The following PRKN variants were observed in gnomAD, a reference collection of about 807,000 sequenced individuals.
PRKN encodes the protein parkin RBR E3 ubiquitin protein ligase.
A neutral mutation model predicts 59.5 loss-of-function variants in PRKN; 56 were observed. The ratio of observed to expected loss-of-function variants is 0.94; its 90% CI spans 0.76 to 1.18. The LOEUF is 1.18. Among genes scored for constraint, PRKN ranks in the 50% most tolerant of loss-of-function variants. The pLI, the probability that PRKN is intolerant of heterozygous loss-of-function variation, is 0.00. For missense variants in PRKN, 657 were observed against 596.4 expected (o/e 1.10, Z -1.06); for synonymous variants, 250 against 222.1 (o/e 1.13, Z -1.12).
At chr6:161,802,229 TC>T in intron 6 of PRKN, among the ~76,000 whole-genome samples, 1 of 152,102 alleles carries the variant, frequency 6.6e-6, no homozygotes, top group South Asian at 2.1e-4. Flanking sequence ...CTGCAATGGC[TC>T]CCCCTGGTCA....
chr6:162,504,110 G>A (rs989683353), intron 1 of PRKN, among the ~76,000 whole-genome samples: 2 of 152,104 alleles, frequency 1.3e-5, no homozygotes, highest in African/African-American at 4.8e-5. Flanking sequence ...GAGGAAGGCA[G>A]GCTGACGGGA....
intron 1 of PRKN, among the ~76,000 whole-genome samples, chr6:162,561,581 CA>C (rs112182139): frequency 6.6e-6 from 1 of 151,874 alleles, no homozygotes; most frequent in Non-Finnish European, 1.5e-5. Context: ...AAAACAAAAA[CA>C]AAAAAAACCC....
chr6:162,008,968 G>C (rs2156747), intron 5 of PRKN, among the ~76,000 whole-genome samples: 84,200 of 151,722 alleles, frequency 0.55, 23,723 homozygotes, highest in Admixed American at 0.62. Context: ...AAACAGGTGA[G>C]GTGTGGCCAA....
chr6:162,647,495 C>T (rs1231172864), intron 1 of PRKN, among the ~76,000 whole-genome samples: 2 of 151,988 alleles, frequency 1.3e-5, no homozygotes, highest in African/African-American at 4.8e-5. Context: ...ATGGAAAGGT[C>T]TTAACAGCCT....
chr6:162,392,091 C>T lies in PRKN; in HGVS notation c.171+51219G>A, dbSNP rs749005766. Among the ~76,000 whole-genome samples, 11 of 151,926 alleles carry T rather than the reference C, an allele frequency of 7.2e-5. 1 individual carries two copies. Among genetic ancestry groups the T allele is most frequent in the Admixed American group, 3.9e-4 (6 of 15,242 alleles). The stretch of plus-strand genomic sequence containing the variant: ...AGTACATAAATTCCTTGGTTGTACA[C>T]CCTGTTTTCATTGCTAATCCAGTAG... On this transcript the variant is annotated intron_variant, in intron 2 of 11. Transcript: ENST00000366898.
chr6:162,073,418 T>C (rs1397713537), intron 4 of PRKN, among the ~76,000 whole-genome samples: 2 of 152,204 alleles, frequency 1.3e-5, no homozygotes, highest in Admixed American at 1.3e-4. Context: ...TCCCAAGTAC[T>C]ACCTCTATAG....
At chr6:162,394,056 G>A (rs1787353788) in intron 2 of PRKN, among the ~76,000 whole-genome samples, 1 of 151,936 alleles carries the variant, frequency 6.6e-6, no homozygotes, top group African/African-American at 2.4e-5. Context: ...AATTTTTTTT[G>A]TTACACTGTA....
chr6:162,265,943 A>G (rs1424857437), intron 2 of PRKN, among the ~76,000 whole-genome samples: 1 of 152,180 alleles, frequency 6.6e-6, no homozygotes, highest in Non-Finnish European at 1.5e-5. Flanking sequence ...CTATTTGGAC[A>G]AGCTATCACT....
chr6:162,255,356 T>C (rs563952014), intron 3 of PRKN, among the ~76,000 whole-genome samples: 2 of 152,196 alleles, frequency 1.3e-5, no homozygotes, highest in African/African-American at 4.8e-5. Flanking sequence ...CAGGCCTTTC[T>C]CTAGGCCCTT....
chr6:162,443,499 A>G (rs767999182), intron 1 of PRKN, 26 bp from the exon 2 acceptor site: 29 of 1,610,928 alleles, frequency 1.8e-5, no homozygotes, highest in Non-Finnish European at 2.5e-5. Flanking sequence ...GGAAGGGAGA[A>G]GAGAAAGTGA....
rs369136348 is a variant in PRKN at position 161,516,826 on chromosome 6, CAAAAAAA to C, written c.1083+32021_1083+32027del. ...TGGGTGACAGAGCAAGACTCAATCT[CAAAAAAA>C]AAAAAAAAAAAAAAGAAAGAAAAAA... is the stretch of plus-strand genomic sequence containing the variant. On this transcript the variant is annotated intron_variant, in intron 9 of 11. Transcript: ENST00000366898. 2.3e-3 allele frequency among the ~76,000 whole-genome samples: 148 copies of C among 63,220 alleles called. 1 individual carries two copies. The highest frequency in any genetic ancestry group is 9.0e-3 in the African/African-American group (143 of 15,946). 41.5% of individuals were successfully genotyped at this position (63,220 alleles called of 152,430 possible).
chr6:162,614,737 T>A (rs1782332570), intron 1 of PRKN, among the ~76,000 whole-genome samples: 1 of 152,206 alleles, frequency 6.6e-6, no homozygotes, highest in Admixed American at 6.5e-5. Context: ...TTTCCAGATT[T>A]GTGAACTCTA....
chr6:161,732,263 G>T (rs111373936), intron 7 of PRKN, among the ~76,000 whole-genome samples: 33,230 of 151,716 alleles, frequency 0.22, 9,434 homozygotes, highest in African/African-American at 0.66. Context: ...ATTTTTGTAT[G>T]TTTAGTACAG....
In PRKN at chr6:161,545,170, T is replaced by C; in HGVS notation, c.1083+3684A>G. 6.0e-6 allele frequency: 8 copies of C among 1,326,738 alleles called. No individual in the cohort carries two copies. The highest frequency in any genetic ancestry group is 6.7e-6 in the Non-Finnish European group (7 of 1,041,228). The allele number at this position is 1,326,738 out of a possible 1,614,324, so 82.2% of individuals were successfully genotyped here. A position where few individuals can be genotyped will look rare whatever the true frequency, so the allele number is the denominator to read the frequency against. On this transcript the variant is annotated intron_variant, in intron 9 of 11. Coordinates refer to ENST00000366898, the MANE Select transcript of PRKN (RefSeq NM_004562.3). This position sits in a 1 kb window ranked among gnomAD's most constrained non-coding sequence, Gnocchi z 4.1. The stretch of plus-strand genomic sequence containing the variant: ...TTTGTAACAGCTAACATTTCTTGCA[T>C]ACCCACATGGTAAGAGTTGTACTTT...
At position 161,596,980 on chromosome 6, in the gene PRKN, A is replaced by G. The variant is rs1254902242; in HGVS notation, c.872-27564T>C. On this transcript the variant is annotated intron_variant, in intron 7 of 11. Transcript: ENST00000366898. ...CAGTGACTGTATTAGGAGTGTTCAT[A>G]GGACCTAGTCTTGGCCAATGAAAAG... Among the ~76,000 whole-genome samples the G allele has an allele frequency of 4.6e-5, 7 of 152,192 alleles. 1 individual carries two copies. The South Asian group carries it at 1.2e-3, about 27-fold the overall frequency.
At chr6:161,817,625 A>G (rs1440565536) in intron 6 of PRKN, among the ~76,000 whole-genome samples, 1 of 152,210 alleles carries the variant, frequency 6.6e-6, no homozygotes, top group African/African-American at 2.4e-5. Context: ...TTTTTAAGAA[A>G]AGTTAACTTG....
chr6:161,970,033 T>G (rs1157629260), intron 6 of PRKN, among the ~76,000 whole-genome samples: 1 of 152,058 alleles, frequency 6.6e-6, no homozygotes, highest in Non-Finnish European at 1.5e-5. Context: ...CAGAGAAAAT[T>G]TATTATGATT....
intron 9 of PRKN, among the ~76,000 whole-genome samples, chr6:161,513,122 C>T (rs1487202265): frequency 6.6e-6 from 1 of 152,208 alleles, no homozygotes; most frequent in East Asian, 1.9e-4. Context: ...TATTTGGCGA[C>T]TCATGAAAAT....
rs568755222 is a variant in PRKN, at chr6:161,407,667, G to A, written c.1084-20790C>T. 7.2e-5 allele frequency among the ~76,000 whole-genome samples: 11 copies of A among 152,072 alleles called. No individual in the cohort carries two copies. The highest frequency in any genetic ancestry group is 1.3e-4 in the Non-Finnish European group (9 of 68,030). On this transcript the variant is annotated intron_variant, in intron 9 of 11. Transcript: ENST00000366898. This position sits in a 1 kb window ranked among gnomAD's most constrained non-coding sequence, Gnocchi z 4.9. ...TAACCCCTGTGACCTGCACATATAC[G>A]TCCAGATGGCCTGCAGGAGCCAAGA...
Sources: gnomAD v4.1 joint callset for allele counts (sites outside exome capture counted in the v4.1 genomes callset) on GRCh38, gnomAD v4.1.1 for gene constraint, Gnocchi (gnomAD v3.1) non-coding constraint, MANE v1.5 for transcripts, NCBI Gene and HGNC (gene_info 2026-07-23, HGNC 2026-07-21) for gene names.